The following KRT39 variants were observed in gnomAD, a reference collection of about 807,000 sequenced individuals.
The protein encoded by KRT39 is keratin, type I cytoskeletal 39.
KRT39 carries 47 observed loss-of-function variants against 54.8 expected under a neutral mutation model. The observed-to-expected ratio is 0.86, with a 90% CI of 0.68 to 1.09. The LOEUF (loss-of-function observed/expected upper bound fraction) is 1.09, where lower values mean the gene tolerates loss of function less well. Among genes scored for constraint, KRT39 ranks in the 50% least tolerant of loss-of-function variants. The pLI is 0.00. For missense variants in KRT39, 580 were observed against 598.5 expected, an observed-to-expected ratio of 0.97 and a Z score of 0.32; for synonymous variants, 207 against 227.9, an observed-to-expected ratio of 0.91 and a Z score of 0.83.
Position 40,966,941 on chromosome 17 carries a change from AGGCTCTT to A in KRT39, c.-92_-86del. ...CCACCTCCACAGAGTCTGAATTCCA[AGGCTCTT>A]GGTGTTTTCCTCTTTGAAGTGCTTA... On this transcript the variant is annotated 5_prime_UTR_variant, in exon 1 of 7. Transcript: ENST00000355612. 1.0e-6 allele frequency: 1 copy of A among 959,978 alleles called. No individual in the cohort carries two copies. Among genetic ancestry groups the A allele is most frequent in the Non-Finnish European group, 1.6e-6 (1 of 610,216 alleles). 59.5% of individuals were successfully genotyped at this position (959,978 alleles called of 1,614,324 possible).
In KRT39 at chr17:40,964,516, T is replaced by C; in HGVS notation, c.481A>G (p.Lys161Glu). 2 of 1,612,232 alleles carry C rather than the reference T, an allele frequency of 1.2e-6. No individual in the cohort carries two copies. Among genetic ancestry groups the C allele is most frequent in the East Asian group, 4.5e-5 (2 of 44,884 alleles). Reference sequence around the variant, plus strand: ...GAGACCAGTCTGGAATTCTCGGCCTTGGTACACAAGATCTAGAATTAAGAG... The same window carrying C: ...GAGACCAGTCTGGAATTCTCGGCCTCGGTACACAAGATCTAGAATTAAGAG... ...EELQQKILCT[K>E]AENSRLVSQI... The change falls in exon 2 of 7, where the codon AAG (lysine) becomes GAG (glutamate). Residue 161 changes from lysine (K) to glutamate (E), a missense_variant. Coordinates refer to ENST00000355612, the MANE Select transcript of KRT39 (RefSeq NM_213656.4).
intron 5 of KRT39, among the ~76,000 whole-genome samples, chr17:40,961,085 G>A (rs569517598): frequency 3.3e-5 from 5 of 151,408 alleles, no homozygotes; most frequent in South Asian, 4.2e-4. Context: ...ACCCGAGATC[G>A]TGCCACTGCT....
At chr17:40,960,202 C>T (rs1911081131) in intron 6 of KRT39, 79 bp downstream of exon 6, 5 of 1,263,234 alleles carry the variant, frequency 4.0e-6, no homozygotes, top group Non-Finnish European at 5.7e-6. Flanking sequence ...AAGCACTTGA[C>T]CCCTGTTGCC....
chr17:40,958,961 A>C, intron 6 of KRT39, 102 bp from the exon 7 acceptor site: 1 of 999,682 alleles, frequency 1.0e-6, no homozygotes, highest in Non-Finnish European at 1.5e-6. Flanking sequence ...GTTGCTCAAG[A>C]CAAGTACATA....
chr17:40,965,041 A>AT (rs199504311), intron 1 of KRT39, among the ~76,000 whole-genome samples: 6,551 of 127,252 alleles, frequency 0.051, 314 homozygotes, highest in African/African-American at 0.17. Flanking sequence ...CTAAAAATAT[A>AT]AAAAAAAAAA....
Position 40,958,794 on chromosome 17 carries a change from G to A in KRT39, c.1283C>T (p.Ala428Val), listed in dbSNP as rs1211553970. The A allele has an allele frequency of 6.2e-7, 1 of 1,613,518 alleles. No individual in the cohort carries two copies. Among genetic ancestry groups the A allele is most frequent in the East Asian group, 2.2e-5 (1 of 44,816 alleles). ...PSPWTSCKSG[A>V]IESTAPACTS... ...GCAAGCTGGGGCCGTGCTTTCTATG[G>A]CTCCGGACTTACAAGATGTCCAAGG... Residue 428 changes from alanine to valine, a missense_variant, in exon 7 of 7, where the codon GCC becomes GTC. Transcript: ENST00000355612.
rs1911183947 is a variant in KRT39 at position 40,962,255 on chromosome 17, G to A, written c.903C>T (p.Ser301=). The A allele has an allele frequency of 1.2e-6, 2 of 1,614,216 alleles. No individual in the cohort carries two copies. Among genetic ancestry groups the A allele is most frequent in the Non-Finnish European group, 1.7e-6 (2 of 1,180,048 alleles). The part of the protein sequence containing the change: ...IEELNQQVVT[S]SQQQQCCQKE... ...TTTGGCAGCATTGCTGCTGTTGAGA[G>A]CTGGTCACCACTTGTTGATTCAGCT... Residue 301 remains serine (S), a synonymous_variant, in exon 5 of 7, where the codon AGC becomes AGT. Transcript: ENST00000355612.
rs140594424 is a variant in KRT39, at chr17:40,959,921, C to T, written c.1217+360G>A. Among the ~76,000 whole-genome samples, 20 of 152,112 alleles carry T rather than the reference C, an allele frequency of 1.3e-4. No individual in the cohort carries two copies. In the East Asian group the frequency reaches 2.1e-3, roughly 16 times the overall value. ...TTTGTACAAGCTCATGAAAATCAGA[C>T]GTTCATCTCAGTGGGGAAACATCTG... On this transcript the variant is annotated intron_variant, in intron 6 of 6. Transcript: ENST00000355612.
chr17:40,958,826 C>T lies in KRT39; in HGVS notation c.1251G>A (p.Glu417=), dbSNP rs1911014176. Residue 417 remains glutamate, a synonymous_variant, in exon 7 of 7, where the codon GAG becomes GAA. Coordinates refer to ENST00000355612, the MANE Select transcript of KRT39 (RefSeq NM_213656.4). The part of the protein sequence containing the change: ...RPCYPRATKC[E]PSPWTSCKSG... ...ACTTACAAGATGTCCAAGGGGAAGG[C>T]TCACATTTGGTGGCACGTGGGTAAC... is the stretch of plus-strand genomic sequence containing the variant. 1 of 1,610,382 alleles carries T rather than the reference C, an allele frequency of 6.2e-7. No homozygotes were observed. Among genetic ancestry groups the T allele is most frequent in the Admixed American group, 1.7e-5 (1 of 59,500 alleles).
intron 5 of KRT39, among the ~76,000 whole-genome samples, chr17:40,961,015 C>T (rs1911130635): frequency 6.6e-6 from 1 of 151,958 alleles, no homozygotes; most frequent in Admixed American, 6.6e-5. Context: ...CCTGTAATCC[C>T]AGCTACTTGG....
chr17:40,966,180 G>T (rs1414011644), intron 1 of KRT39, among the ~76,000 whole-genome samples: 1 of 152,042 alleles, frequency 6.6e-6, no homozygotes, highest in Non-Finnish European at 1.5e-5. Flanking sequence ...AAAGTGTTAG[G>T]ATTACAGGTG....
At chr17:40,966,284 A>G in intron 1 of KRT39, 105 bp downstream of exon 1, 1 of 901,524 alleles carries the variant, frequency 1.1e-6, no homozygotes, top group Non-Finnish European at 1.7e-6. Flanking sequence ...TCTTCAAAAA[A>G]ATTTTCAGCA....
chr17:40,958,758 G>A lies in KRT39; in HGVS notation c.1319C>T (p.Ser440Phe). 6.2e-7 allele frequency: 1 copy of A among 1,614,050 alleles called. No individual in the cohort carries two copies. The highest frequency in any genetic ancestry group is 8.5e-7 in the Non-Finnish European group (1 of 1,180,016). Residue 440 changes from serine to phenylalanine, a missense_variant, in exon 7 of 7, where the codon TCC becomes TTC. Transcript: ENST00000355612. ...ESTAPACTSSSPCSLKEHCSA... is the reference protein window; with the variant it reads ...ESTAPACTSSFPCSLKEHCSA... The stretch of plus-strand genomic sequence containing the variant: ...GCAGTGCTCCTTTAAGCTGCAGGGG[G>A]ATGAGGATGTGCAAGCTGGGGCCGT...
chr17:40,960,543 A>G (rs1459719758), intron 5 of KRT39, 42 bp from the exon 6 acceptor site: 5 of 1,482,514 alleles, frequency 3.4e-6, no homozygotes, highest in Non-Finnish European at 4.7e-6. Context: ...TGACTCCTTT[A>G]AGCCCAGGTC....
Position 40,960,267 on chromosome 17 carries a change from G to C in KRT39, c.1217+14C>G. 6.2e-7 allele frequency: 1 copy of C among 1,605,716 alleles called. No homozygotes were observed. The highest frequency in any genetic ancestry group is 1.1e-5 in the South Asian group (1 of 90,990). Reference sequence around the variant, plus strand: ...ACACTTTTTTGTCATAGAAGTTGCTGTTATTTTACATACTTGCCATCCGAG... The same window carrying C: ...ACACTTTTTTGTCATAGAAGTTGCTCTTATTTTACATACTTGCCATCCGAG... On this transcript the variant is annotated intron_variant, in intron 6 of 6. Transcript: ENST00000355612.
rs559756028 is a variant in KRT39, at chr17:40,966,480, G to C, written c.377C>G (p.Ser126Cys). Residue 126 changes from serine to cysteine, a missense_variant, in exon 1 of 7, where the codon TCT (serine) becomes TGT (cysteine). Physicochemically the swap from Ser to Cys is moderately radical, Grantham distance 112 (BLOSUM62 -1). Coordinates refer to ENST00000355612, the MANE Select transcript of KRT39 (RefSeq NM_213656.4). The part of the protein sequence containing the change: ...MLERENAELE[S>C]KIQEESNKEL... ...TTTGTTACTTTCTTCCTGGATTTTA[G>C]ATTCCAGTTCAGCATTCTCTCGTTC... 2 of 1,614,110 alleles carry C rather than the reference G, an allele frequency of 1.2e-6. No homozygotes were observed. The highest frequency in any genetic ancestry group is 8.5e-7 in the Non-Finnish European group (1 of 1,179,988).
At chr17:40,960,950 T>C (rs1911127730) in intron 5 of KRT39, among the ~76,000 whole-genome samples, 1 of 152,018 alleles carries the variant, frequency 6.6e-6, no homozygotes, top group Non-Finnish European at 1.5e-5. Context: ...GCCAAGATGG[T>C]GAAACCCCGT....
At chr17:40,959,657 A>G (rs761201974) in intron 6 of KRT39, among the ~76,000 whole-genome samples, 1 of 152,232 alleles carries the variant, frequency 6.6e-6, no homozygotes, top group African/African-American at 2.4e-5. Flanking sequence ...TTGCAATTGT[A>G]ACTAAGTCTC....
intron 1 of KRT39, 126 bp downstream of exon 1, chr17:40,966,263 A>C (rs899158088): frequency 7.1e-6 from 5 of 708,238 alleles, no homozygotes; most frequent in Non-Finnish European, 1.2e-5. Context: ...TCACTCAAGA[A>C]ATTTTTCTAT....
Sources: gnomAD v4.1 joint callset for allele counts (sites outside exome capture counted in the v4.1 genomes callset) on GRCh38, gnomAD v4.1.1 for gene constraint, MANE v1.5 for transcripts, NCBI Gene and HGNC (gene_info 2026-07-23, HGNC 2026-07-21) for gene names.